The following GALNT13 variants were observed in gnomAD, a reference collection of about 807,000 sequenced individuals.
GALNT13 encodes the protein UDP-GalNAc:polypeptide N-acetylgalactosaminyltransferase 13.
A neutral mutation model predicts 64.2 loss-of-function variants in GALNT13; 28 were observed. The ratio of observed to expected loss-of-function variants is 0.44; its 90% CI spans 0.32 to 0.60. The LOEUF (loss-of-function observed/expected upper bound fraction) is 0.60, where lower values mean the gene tolerates loss of function less well. Ranked by LOEUF, GALNT13 falls within the 20% of genes least tolerant of loss-of-function variation. GALNT13 has a pLI of 0.05. For missense variants in GALNT13, 577 were observed against 669.8 expected (o/e 0.86, Z 1.53); for synonymous variants, 214 against 224.6 (o/e 0.95, Z 0.42).
At chr2:153,752,872 A>G in the GALNT13 span, among the ~76,000 whole-genome samples, 1 of 152,114 alleles carries the variant, frequency 6.6e-6, no homozygotes, top group Non-Finnish European at 1.5e-5. Context: ...TTTAAGGCCA[A>G]TAACTCTTAG....
intron 11 of GALNT13, among the ~76,000 whole-genome samples, chr2:154,417,445 A>G (rs902086453): frequency 1.8e-4 from 27 of 150,696 alleles, no homozygotes; most frequent in African/African-American, 5.6e-4. Context: ...TTTTTCTTAT[A>G]GCTTTGCCTT....
At chr2:153,318,294 G>C in the GALNT13 span, among the ~76,000 whole-genome samples, 9 of 152,134 alleles carry the variant, frequency 5.9e-5, no homozygotes, top group African/African-American at 2.2e-4. Context: ...CACAAGGAGT[G>C]GTGGTGGACA....
At chr2:153,122,913 G>A in the GALNT13 span, among the ~76,000 whole-genome samples, 3 of 152,044 alleles carry the variant, frequency 2.0e-5, no homozygotes, top group African/African-American at 7.2e-5. Flanking sequence ...GTTAAAATAA[G>A]GTTATACTAG....
intron 8 of GALNT13, among the ~76,000 whole-genome samples, chr2:154,295,163 G>C (rs978933108): frequency 6.6e-6 from 1 of 152,084 alleles, no homozygotes; most frequent in Non-Finnish European, 1.5e-5. Flanking sequence ...GAGGACAACT[G>C]TCAGTCAGTA....
chr2:153,490,326 CTGTT>C, the GALNT13 span, among the ~76,000 whole-genome samples: 1 of 151,816 alleles, frequency 6.6e-6, no homozygotes, highest in Non-Finnish European at 1.5e-5. Flanking sequence ...GTATTTTTGC[CTGTT>C]TAAGAAATTT....
intron 2 of GALNT13, among the ~76,000 whole-genome samples, chr2:153,928,061 T>C (rs905029893): frequency 1.3e-5 from 2 of 152,100 alleles, no homozygotes; most frequent in African/African-American, 4.8e-5. Context: ...GGGGGTTCTT[T>C]TGTGTCTAGG....
At chr2:153,079,757 G>A in the GALNT13 span, among the ~76,000 whole-genome samples, 1 of 152,180 alleles carries the variant, frequency 6.6e-6, no homozygotes, top group African/African-American at 2.4e-5. Flanking sequence ...AGGTGATCAG[G>A]CAGGTGGATA....
chr2:154,394,077 C>CCAA (rs1698940590), intron 9 of GALNT13, among the ~76,000 whole-genome samples: 2 of 32,004 alleles, frequency 6.2e-5, no homozygotes, highest in African/African-American at 1.5e-4. Flanking sequence ...GACTCCGTCT[C>CCAA]AAAAAAAAAA....
the GALNT13 span, among the ~76,000 whole-genome samples, chr2:153,838,881 C>T: frequency 6.6e-6 from 1 of 151,756 alleles, no homozygotes; most frequent in African/African-American, 2.4e-5. Flanking sequence ...GTAATATGGA[C>T]ATTTTAACAA....
intron 8 of GALNT13, among the ~76,000 whole-genome samples, chr2:154,269,895 T>C (rs1691232540): frequency 1.0e-5 from 1 of 96,954 alleles, no homozygotes; most frequent in Admixed American, 1.3e-4. Context: ...TATATATATT[T>C]ATATATATGT....
intron 7 of GALNT13, among the ~76,000 whole-genome samples, chr2:154,248,826 A>G (rs532610508): frequency 6.6e-6 from 1 of 152,250 alleles, no homozygotes; most frequent in Non-Finnish European, 1.5e-5. Context: ...GTCATTTGAC[A>G]TTTGTCAATA....
chr2:153,435,203 C>A, the GALNT13 span, among the ~76,000 whole-genome samples: 1 of 152,070 alleles, frequency 6.6e-6, no homozygotes, highest in African/African-American at 2.4e-5. Context: ...GCTTTGGTAC[C>A]AGTACCATGC....
At chr2:153,824,462 G>T in the GALNT13 span, among the ~76,000 whole-genome samples, 1 of 151,966 alleles carries the variant, frequency 6.6e-6, no homozygotes, top group Non-Finnish European at 1.5e-5. Context: ...TATCACCTTG[G>T]ACCAAGGAAT....
At chr2:153,880,097 C>T (rs1242625215) in intron 1 of GALNT13, among the ~76,000 whole-genome samples, 1 of 151,934 alleles carries the variant, frequency 6.6e-6, no homozygotes, top group Non-Finnish European at 1.5e-5. Context: ...AAATAAGAAA[C>T]AATTTATTTT....
chr2:153,195,385 G>A, the GALNT13 span, among the ~76,000 whole-genome samples: 21 of 152,280 alleles, frequency 1.4e-4, no homozygotes, highest in East Asian at 4.1e-3. Flanking sequence ...AGCAGCCAGG[G>A]GTGTGTGAGT....
At chr2:153,716,187 G>A in the GALNT13 span, among the ~76,000 whole-genome samples, 6 of 152,296 alleles carry the variant, frequency 3.9e-5, no homozygotes, top group Middle Eastern at 3.4e-3. Flanking sequence ...AAAATCAGAT[G>A]AAACTTAGTT....
chr2:153,937,586 G>T (rs1248216504), intron 2 of GALNT13, among the ~76,000 whole-genome samples: 1 of 152,032 alleles, frequency 6.6e-6, no homozygotes, highest in East Asian at 1.9e-4. Context: ...TGACTATATT[G>T]CATTGTATAC....
chr2:153,321,936 G>A, the GALNT13 span, among the ~76,000 whole-genome samples: 1 of 151,424 alleles, frequency 6.6e-6, no homozygotes, highest in Non-Finnish European at 1.5e-5. Flanking sequence ...GTCTGAAGTG[G>A]TACATAGAGA....
the GALNT13 span, among the ~76,000 whole-genome samples, chr2:153,674,033 TGC>T: frequency 4.6e-5 from 7 of 152,270 alleles, no homozygotes; most frequent in East Asian, 1.3e-3. Flanking sequence ...TACAAACCAC[TGC>T]TCAATGAAAT....
Sources: allele counts gnomAD v4.1 joint callset (sites outside exome capture counted in the v4.1 genomes callset), GRCh38; gene constraint gnomAD v4.1.1; transcripts MANE v1.5; gene names NCBI Gene and HGNC (gene_info 2026-07-23, HGNC 2026-07-21).